Variants in ERBB4 observed in about 807,000 individuals in gnomAD.
The protein encoded by ERBB4 is erb-b2 receptor tyrosine kinase 4, also known as receptor tyrosine-protein kinase erbB-4.
Under a neutral mutation model 158.0 loss-of-function variants are expected in ERBB4, and 42 were observed. The ratio of observed to expected loss-of-function variants is 0.27; its 90% CI spans 0.21 to 0.34. The LOEUF (loss-of-function observed/expected upper bound fraction) is 0.34, where lower values mean the gene tolerates loss of function less well. Among genes scored for constraint, ERBB4 ranks in the 10% least tolerant of loss-of-function variants. The pLI is 1.00. For synonymous variants in ERBB4, 583 were observed against 558.7 expected (o/e 1.04, Z -0.61); for missense variants, 1,333 against 1,624.1 (o/e 0.82, Z 3.08).
intron 1 of ERBB4, among the ~76,000 whole-genome samples, chr2:212,368,824 C>G (rs145364396): frequency 1.4e-3 from 207 of 152,206 alleles, no homozygotes; most frequent in African/African-American, 4.6e-3. Context: ...GGCCTATTCT[C>G]CACACCTGAG....
Position 211,665,480 on chromosome 2 carries a change from GAA to G in ERBB4, c.1717-5_1717-4del. 2 of 1,613,616 alleles carry G rather than the reference GAA, an allele frequency of 1.2e-6. No homozygotes were observed. The highest frequency in any genetic ancestry group is 1.3e-5 in the African/African-American group (1 of 74,932). On this transcript the variant is annotated splice_region_variant and splice_polypyrimidine_tract_variant and intron_variant, in intron 14 of 27. Coordinates refer to ENST00000342788, the MANE Select transcript of ERBB4 (RefSeq NM_005235.3). The stretch of plus-strand genomic sequence containing the variant: ...CACTTTGTACAGTTGTCAGGACCCT[GAA>G]ATGTGAAAACGAAAAAAAAAGAAAA...
chr2:211,640,183 A>G (rs1371535768), intron 16 of ERBB4, among the ~76,000 whole-genome samples: 1 of 152,140 alleles, frequency 6.6e-6, no homozygotes, highest in Non-Finnish European at 1.5e-5. Context: ...AATGCTAACA[A>G]AGAGGGATTA....
At chr2:211,596,595 T>C (rs1445194188) in intron 19 of ERBB4, among the ~76,000 whole-genome samples, 1 of 152,174 alleles carries the variant, frequency 6.6e-6, no homozygotes, top group East Asian at 1.9e-4. Flanking sequence ...TCCAGCACCC[T>C]GAGACCCCTG....
intron 3 of ERBB4, among the ~76,000 whole-genome samples, chr2:211,868,826 C>T (rs531678294): frequency 6.6e-6 from 1 of 152,200 alleles, no homozygotes; most frequent in South Asian, 2.1e-4. Context: ...ATTTTTCTGA[C>T]TCAATTTTTC....
At chr2:212,181,065 G>A (rs1317598480) in intron 1 of ERBB4, among the ~76,000 whole-genome samples, 1 of 151,532 alleles carries the variant, frequency 6.6e-6, no homozygotes, top group Non-Finnish European at 1.5e-5. Context: ...ATAGATAACT[G>A]AGACCCCAGA....
intron 20 of ERBB4, among the ~76,000 whole-genome samples, chr2:211,455,549 A>G (rs535597059): frequency 6.6e-6 from 1 of 152,370 alleles, no homozygotes; most frequent in East Asian, 1.9e-4. Flanking sequence ...GCTTACATAT[A>G]AAACCCACAT....
At chr2:211,421,132 A>C (rs959066936) in intron 24 of ERBB4, among the ~76,000 whole-genome samples, 1 of 151,980 alleles carries the variant, frequency 6.6e-6, no homozygotes, top group Non-Finnish European at 1.5e-5. Context: ...TGAGAAAGAC[A>C]CCAAAACCTT....
intron 19 of ERBB4, among the ~76,000 whole-genome samples, chr2:211,565,645 T>C (rs1350655189): frequency 1.3e-5 from 2 of 152,200 alleles, no homozygotes; most frequent in South Asian, 2.1e-4. Context: ...TTTACCGCTG[T>C]TGAGTTCAGC....
intron 3 of ERBB4, among the ~76,000 whole-genome samples, chr2:211,818,273 C>T (rs1218563640): frequency 6.6e-6 from 1 of 152,048 alleles, no homozygotes; most frequent in Non-Finnish European, 1.5e-5. Flanking sequence ...CTGGACAAAA[C>T]ACTTCTAGAG....
At chr2:212,250,267 G>C (rs1219276700) in intron 1 of ERBB4, among the ~76,000 whole-genome samples, 5 of 151,812 alleles carry the variant, frequency 3.3e-5, no homozygotes, top group Non-Finnish European at 7.4e-5. Context: ...ATTTGTCTCA[G>C]CTGTGAATGT....
intron 2 of ERBB4, among the ~76,000 whole-genome samples, chr2:212,037,132 TTTTTG>T (rs1427551343): frequency 1.9e-4 from 29 of 152,312 alleles, no homozygotes; most frequent in African/African-American, 6.7e-4. Context: ...TGTTCATTTG[TTTTTG>T]TTTTGTTTGT....
chr2:212,295,794 A>G (rs2086389132), intron 1 of ERBB4, among the ~76,000 whole-genome samples: 1 of 152,044 alleles, frequency 6.6e-6, no homozygotes, highest in Non-Finnish European at 1.5e-5. Flanking sequence ...CAAATGATAC[A>G]TTTGGACAAT....
At chr2:211,923,523 G>A (rs890416293) in intron 3 of ERBB4, among the ~76,000 whole-genome samples, 3 of 152,104 alleles carry the variant, frequency 2.0e-5, no homozygotes, top group African/African-American at 4.8e-5. Context: ...GCAAGACTTA[G>A]AGCAATTCAT....
At chr2:211,758,431 A>G (rs2075334242) in intron 4 of ERBB4, among the ~76,000 whole-genome samples, 2 of 152,244 alleles carry the variant, frequency 1.3e-5, no homozygotes, top group African/African-American at 2.4e-5. Flanking sequence ...AAAAGCTTTT[A>G]TATATGATAC....
chr2:211,795,175 G>A (rs1021826502), intron 3 of ERBB4, among the ~76,000 whole-genome samples: 2 of 151,940 alleles, frequency 1.3e-5, no homozygotes, highest in Admixed American at 6.6e-5. Context: ...GAGAGAGACA[G>A]GTGGTAGGGG....
At chr2:211,549,198 G>A (rs995054875) in intron 20 of ERBB4, among the ~76,000 whole-genome samples, 1 of 152,198 alleles carries the variant, frequency 6.6e-6, no homozygotes, top group Middle Eastern at 3.4e-3. Context: ...ATGTAAAATT[G>A]CAATTTTGAA....
intron 20 of ERBB4, among the ~76,000 whole-genome samples, chr2:211,436,998 TAATAA>T (rs1424309066): frequency 6.6e-6 from 1 of 152,152 alleles, no homozygotes; most frequent in East Asian, 1.9e-4. Flanking sequence ...TTCTATGGGT[TAATAA>T]AATAGATTTT....
intron 1 of ERBB4, among the ~76,000 whole-genome samples, chr2:212,532,615 C>T (rs1692816699): frequency 6.6e-6 from 1 of 152,214 alleles, no homozygotes. Flanking sequence ...GCGATTGAGA[C>T]AGAAGCAAGT....
intron 1 of ERBB4, among the ~76,000 whole-genome samples, chr2:212,241,579 C>T (rs1371866650): frequency 6.6e-6 from 1 of 152,046 alleles, no homozygotes; most frequent in African/African-American, 2.4e-5. Context: ...TAACAAATTC[C>T]AGTGCATGAT....
Sources: gnomAD v4.1 joint callset for allele counts (sites outside exome capture counted in the v4.1 genomes callset) on GRCh38, gnomAD v4.1.1 for gene constraint, MANE v1.5 for transcripts, NCBI Gene and HGNC (gene_info 2026-07-23, HGNC 2026-07-21) for gene names.